Variants in DDX10 observed in about 807,000 individuals in gnomAD.
DDX10 encodes probable ATP-dependent RNA helicase DDX10.
Under a neutral mutation model 104.3 loss-of-function variants are expected in DDX10, and 74 were observed. That is an observed-to-expected ratio of 0.71 (90% CI 0.59 to 0.86). The LOEUF (loss-of-function observed/expected upper bound fraction) is 0.86. Among genes scored for constraint, DDX10 ranks in the 40% least tolerant of loss-of-function variants. DDX10 has a pLI of 0.00. For synonymous variants in DDX10, 351 were observed against 353.4 expected (o/e 0.99, Z 0.08); for missense variants, 952 against 1,040.0 (o/e 0.92, Z 1.16).
chr11:108,782,790 T>G (rs147006527), intron 13 of DDX10, among the ~76,000 whole-genome samples: 399 of 152,040 alleles, frequency 2.6e-3, no homozygotes, highest in African/African-American at 8.9e-3. Context: ...CTCTTGGGAG[T>G]ATACATAGAA....
chr11:108,799,505 A>C (rs1861989084), intron 13 of DDX10, among the ~76,000 whole-genome samples: 3 of 152,132 alleles, frequency 2.0e-5, no homozygotes, highest in African/African-American at 4.8e-5. Context: ...GACAATGATT[A>C]TTTGAGTGAC....
intron 13 of DDX10, among the ~76,000 whole-genome samples, chr11:108,796,820 A>T (rs1340339948): frequency 6.6e-6 from 1 of 152,146 alleles, no homozygotes; most frequent in African/African-American, 2.4e-5. Flanking sequence ...TCATGAATGG[A>T]TTAATGCTAC....
At chr11:108,836,750 A>G (rs1243568141) in intron 13 of DDX10, among the ~76,000 whole-genome samples, 1 of 152,108 alleles carries the variant, frequency 6.6e-6, no homozygotes. Flanking sequence ...CTGCCTGCCA[A>G]AGTGCTGGGA....
At chr11:108,707,955 G>T (rs2094278760) in intron 10 of DDX10, among the ~76,000 whole-genome samples, 1 of 152,154 alleles carries the variant, frequency 6.6e-6, no homozygotes. Context: ...AAACATCCAT[G>T]TGAAGGTTTT....
chr11:108,856,778 G>A (rs1404291742), intron 16 of DDX10, among the ~76,000 whole-genome samples: 1 of 151,954 alleles, frequency 6.6e-6, no homozygotes, highest in African/African-American at 2.4e-5. Context: ...AAATTGAAGA[G>A]CGAGTGTGGC....
intron 16 of DDX10, among the ~76,000 whole-genome samples, chr11:108,885,506 C>T (rs866679238): frequency 4.0e-5 from 6 of 151,852 alleles, no homozygotes; most frequent in Admixed American, 6.6e-5. Flanking sequence ...TACAGGTGCC[C>T]GCCAGCACGC....
intron 13 of DDX10, among the ~76,000 whole-genome samples, chr11:108,738,727 A>G (rs373140937): frequency 2.0e-5 from 3 of 152,282 alleles, no homozygotes; most frequent in East Asian, 1.9e-4. Context: ...CTGACGAAAG[A>G]GACTTTTTCT....
chr11:108,892,115 A>G (rs191867397), intron 16 of DDX10, among the ~76,000 whole-genome samples: 38 of 152,194 alleles, frequency 2.5e-4, no homozygotes, highest in African/African-American at 8.7e-4. Context: ...TTGAAATTTG[A>G]TCGCCCCCGA....
chr11:108,868,225 G>A (rs1863032603), intron 16 of DDX10: 1 of 152,036 alleles, frequency 6.6e-6, no homozygotes, highest in Non-Finnish European at 1.5e-5. Context: ...TACTGTTTGT[G>A]TTATCTCCAT....
intron 13 of DDX10, among the ~76,000 whole-genome samples, chr11:108,792,939 CAG>C (rs1861890528): frequency 6.6e-6 from 1 of 152,078 alleles, no homozygotes; most frequent in Non-Finnish European, 1.5e-5. Flanking sequence ...GTGTCTTGTA[CAG>C]AGTTTGTTAA....
In DDX10 at chr11:108,843,133, C is replaced by T. The variant is rs146283403; in HGVS notation, c.2247+1657C>T. 2.6e-5 allele frequency among the ~76,000 whole-genome samples: 4 copies of T among 152,284 alleles called. No homozygotes were observed. In the East Asian group the frequency reaches 7.7e-4, roughly 29 times the overall value. On this transcript the variant is annotated intron_variant, in intron 15 of 17. Coordinates refer to ENST00000322536, the MANE Select transcript of DDX10 (RefSeq NM_004398.4). ...TGCTGAGTGGGTGCAGTAGTTTGCA[C>T]CTGTAGTTCTGGCTACTTAAGAGGC...
At chr11:108,701,848 GC>G (rs561314229) in intron 9 of DDX10, among the ~76,000 whole-genome samples, 395 of 152,032 alleles carry the variant, frequency 2.6e-3, no homozygotes, top group African/African-American at 8.8e-3. Flanking sequence ...ACCATACCTG[GC>G]TAATTTTTGT....
intron 15 of DDX10, among the ~76,000 whole-genome samples, chr11:108,849,072 A>G (rs754137413): frequency 6.6e-6 from 1 of 152,122 alleles, no homozygotes; most frequent in Non-Finnish European, 1.5e-5. Context: ...CGTTCAAGCA[A>G]AACTCTGTAA....
chr11:108,689,837 T>C (rs1420310571), intron 7 of DDX10, among the ~76,000 whole-genome samples: 1 of 152,188 alleles, frequency 6.6e-6, no homozygotes, highest in African/African-American at 2.4e-5. Context: ...CCATGATAAA[T>C]ATGTAGATGG....
intron 13 of DDX10, among the ~76,000 whole-genome samples, chr11:108,789,851 A>G (rs1591818772): frequency 6.6e-6 from 1 of 152,208 alleles, no homozygotes; most frequent in Admixed American, 6.5e-5. Context: ...GGTTTTATCC[A>G]TCTTTCTGCT....
intron 10 of DDX10, among the ~76,000 whole-genome samples, chr11:108,712,671 C>CA (rs1321067649): frequency 6.6e-6 from 1 of 151,992 alleles, no homozygotes; most frequent in African/African-American, 2.4e-5. Context: ...TATACATAAA[C>CA]ATACATAATT....
At chr11:108,875,159 G>A (rs1020989282) in intron 16 of DDX10, among the ~76,000 whole-genome samples, 24 of 152,244 alleles carry the variant, frequency 1.6e-4, no homozygotes, top group African/African-American at 4.8e-4. Flanking sequence ...TGAAGCCTGC[G>A]TTACTGTGTA....
chr11:108,695,076 A>G (rs894984104), intron 9 of DDX10, among the ~76,000 whole-genome samples: 4 of 152,194 alleles, frequency 2.6e-5, no homozygotes, highest in African/African-American at 9.6e-5. Context: ...TGGATAGCAT[A>G]TGGTAATACT....
At chr11:108,863,430 T>A (rs1862965872) in intron 16 of DDX10, among the ~76,000 whole-genome samples, 2 of 152,362 alleles carry the variant, frequency 1.3e-5, no homozygotes, top group South Asian at 4.1e-4. Context: ...TTATTTTACC[T>A]ATCTTGATTT....
Sources: gnomAD v4.1 joint callset for allele counts (sites outside exome capture counted in the v4.1 genomes callset) on GRCh38, gnomAD v4.1.1 for gene constraint, MANE v1.5 for transcripts, NCBI Gene and HGNC (gene_info 2026-07-23, HGNC 2026-07-21) for gene names.